The following TAFA2 variants were observed in gnomAD, a reference collection of about 807,000 sequenced individuals.
TAFA2 encodes the protein TAFA chemokine like family member 2.
TAFA2 carries 7 observed loss-of-function variants against 18.8 expected under a neutral mutation model. The ratio of observed to expected loss-of-function variants is 0.37; its 90% confidence interval spans 0.21 to 0.70. TAFA2 has a LOEUF of 0.70. TAFA2 is among the 30% of genes least tolerant of loss of function. The pLI, the probability that TAFA2 is intolerant of heterozygous loss-of-function variation, is 0.53. For missense variants in TAFA2, 122 were observed against 158.1 expected (o/e 0.77, Z 1.23); for synonymous variants, 60 against 54.2 (o/e 1.11, Z -0.47).
chr12:62,099,615 T>C (rs1869101186), intron 1 of TAFA2, among the ~76,000 whole-genome samples: 1 of 152,182 alleles, frequency 6.6e-6, no homozygotes, highest in African/African-American at 2.4e-5. Context: ...AGCAATGCAG[T>C]AAAATCTCAT....
intron 1 of TAFA2, among the ~76,000 whole-genome samples, chr12:62,212,548 T>C (rs894806440): frequency 1.3e-5 from 2 of 152,044 alleles, no homozygotes; most frequent in Non-Finnish European, 2.9e-5. Context: ...TCGTCTGACA[T>C]CCATGAAGGA....
At chr12:61,913,131 T>G (rs146971333) in intron 1 of TAFA2, among the ~76,000 whole-genome samples, 142 of 152,332 alleles carry the variant, frequency 9.3e-4, no homozygotes, top group African/African-American at 3.3e-3. Flanking sequence ...CCTCTCAGTT[T>G]TGAGGCTATA....
At chr12:61,825,108 T>C (rs1367675001) in intron 2 of TAFA2, among the ~76,000 whole-genome samples, 1 of 152,152 alleles carries the variant, frequency 6.6e-6, no homozygotes, top group Non-Finnish European at 1.5e-5. Context: ...GTAAGAATGA[T>C]GGGCATATTC....
intron 1 of TAFA2, among the ~76,000 whole-genome samples, chr12:62,147,553 C>A (rs1247301835): frequency 6.0e-5 from 9 of 149,396 alleles, no homozygotes; most frequent in Non-Finnish European, 1.3e-4. Flanking sequence ...CACAGTGAAC[C>A]CTTGTCTCTA....
At chr12:61,842,043 T>C (rs189330279) in intron 2 of TAFA2, among the ~76,000 whole-genome samples, 2 of 152,056 alleles carry the variant, frequency 1.3e-5, no homozygotes, top group Admixed American at 6.6e-5. Flanking sequence ...TATTACTCTA[T>C]AAGAAAAATA....
At chr12:61,948,850 T>C (rs1412553385) in intron 1 of TAFA2, among the ~76,000 whole-genome samples, 1 of 152,156 alleles carries the variant, frequency 6.6e-6, no homozygotes, top group African/African-American at 2.4e-5. Context: ...ACCCATAGTG[T>C]GAGCTAAGCA....
At chr12:62,227,659 G>T (rs1185588451) in intron 1 of TAFA2, among the ~76,000 whole-genome samples, 1 of 152,078 alleles carries the variant, frequency 6.6e-6, no homozygotes, top group Non-Finnish European at 1.5e-5. Flanking sequence ...TGCTTTTGTT[G>T]CCTGTGCTTT....
At chr12:62,076,043 G>A (rs1038908153) in intron 1 of TAFA2, among the ~76,000 whole-genome samples, 4 of 152,100 alleles carry the variant, frequency 2.6e-5, no homozygotes, top group South Asian at 4.1e-4. Flanking sequence ...CAAAATCCAC[G>A]CCCTTTAAAT....
intron 1 of TAFA2, among the ~76,000 whole-genome samples, chr12:62,256,204 G>A (rs1469665523): frequency 1.3e-5 from 2 of 151,944 alleles, no homozygotes; most frequent in Non-Finnish European, 2.9e-5. Flanking sequence ...GGGAGGCAGA[G>A]GTTGCAGTGA....
At chr12:61,865,202 C>T (rs2121213101) in intron 2 of TAFA2, among the ~76,000 whole-genome samples, 1 of 152,272 alleles carries the variant, frequency 6.6e-6, no homozygotes, top group South Asian at 2.1e-4. Context: ...GTAACTATAT[C>T]CTTCCACAGG....
chr12:62,242,079 A>G (rs1046047691), intron 1 of TAFA2, among the ~76,000 whole-genome samples: 2 of 152,226 alleles, frequency 1.3e-5, no homozygotes, highest in African/African-American at 4.8e-5. Flanking sequence ...TGACAAAGGA[A>G]ATTACCAAGA....
At chr12:61,923,096 C>G (rs955507069) in intron 1 of TAFA2, among the ~76,000 whole-genome samples, 3 of 152,190 alleles carry the variant, frequency 2.0e-5, no homozygotes, top group African/African-American at 7.2e-5. Flanking sequence ...CAGCCCCAGT[C>G]AGGGGCATAT....
chr12:62,060,409 G>T (rs549973072), intron 1 of TAFA2, among the ~76,000 whole-genome samples: 3 of 152,300 alleles, frequency 2.0e-5, no homozygotes, highest in Non-Finnish European at 4.4e-5. Flanking sequence ...TTGTAATGAT[G>T]CTGTTTGTAG....
chr12:61,928,037 A>T (rs1364632052), intron 1 of TAFA2, among the ~76,000 whole-genome samples: 1 of 152,204 alleles, frequency 6.6e-6, no homozygotes, highest in Non-Finnish European at 1.5e-5. Flanking sequence ...CTTAAACATA[A>T]AACCTAAAAC....
At chr12:61,883,806 A>G (rs997542165) in intron 1 of TAFA2, among the ~76,000 whole-genome samples, 4 of 152,172 alleles carry the variant, frequency 2.6e-5, no homozygotes, top group Non-Finnish European at 5.9e-5. Context: ...CAGTTTTTCC[A>G]TCTATGAAAT....
intron 1 of TAFA2, among the ~76,000 whole-genome samples, chr12:62,132,046 G>C (rs1229822660): frequency 6.7e-6 from 1 of 148,928 alleles, no homozygotes; most frequent in Non-Finnish European, 1.5e-5. Flanking sequence ...ACAAGTGAGA[G>C]ATGCCTACAC....
At position 61,768,183 on chromosome 12, in the gene TAFA2, C is replaced by T. The variant is rs915336637; in HGVS notation, c.107-13159G>A. Among the ~76,000 whole-genome samples the T allele has an allele frequency of 4.6e-5, 7 of 151,246 alleles. No homozygotes were observed. In the East Asian group the frequency reaches 9.7e-4, roughly 21 times the overall value. On this transcript the variant is annotated intron_variant, in intron 2 of 4. Transcript: ENST00000416284. Reference sequence around the variant, plus strand: ...CCTAGAAAGCAGTAGAGGGAGAGAACCAGGCACACAAAAACTAAAATAAAT... The same window carrying T: ...CCTAGAAAGCAGTAGAGGGAGAGAATCAGGCACACAAAAACTAAAATAAAT...
At chr12:61,909,448 G>T (rs1266599171) in intron 1 of TAFA2, among the ~76,000 whole-genome samples, 1 of 152,172 alleles carries the variant, frequency 6.6e-6, no homozygotes, top group Non-Finnish European at 1.5e-5. Flanking sequence ...GAATCCTGAT[G>T]CTATCAGCCA....
chr12:61,864,405 T>TATATAGAA (rs1166824285), intron 2 of TAFA2, among the ~76,000 whole-genome samples: 1 of 147,884 alleles, frequency 6.8e-6, no homozygotes, highest in African/African-American at 2.5e-5. Flanking sequence ...GGTGTGTATA[T>TATATAGAA]ATATATTTCT....
Sources: gnomAD v4.1 joint callset for allele counts (sites outside exome capture counted in the v4.1 genomes callset) on GRCh38, gnomAD v4.1.1 for gene constraint, MANE v1.5 for transcripts, NCBI Gene and HGNC (gene_info 2026-07-23, HGNC 2026-07-21) for gene names.